Variants in NUP153 observed in about 807,000 individuals in gnomAD.
The protein encoded by NUP153 is nucleoporin 153.
NUP153 carries 27 observed loss-of-function variants against 134.6 expected under a neutral mutation model. The ratio of observed to expected loss-of-function variants is 0.20; its 90% confidence interval spans 0.15 to 0.28. NUP153 has a LOEUF of 0.28. NUP153 is among the 10% of genes least tolerant of loss of function. The pLI is 1.00. For missense variants in NUP153, 1,821 were observed against 1,731.3 expected, an observed-to-expected ratio of 1.05 and a Z score of -0.92; for synonymous variants, 640 against 623.5, an observed-to-expected ratio of 1.03 and a Z score of -0.40.
At chr6:17,659,471 TTTTTG>T (rs1051692678) in intron 11 of NUP153, among the ~76,000 whole-genome samples, 15 of 152,094 alleles carry the variant, frequency 9.9e-5, no homozygotes, top group African/African-American at 2.6e-4. Context: ...ATTTCTTTTG[TTTTTG>T]TTTTGTTTTG....
chr6:17,626,164 T>C lies in NUP153; in HGVS notation c.3545A>G (p.Asp1182Gly), dbSNP rs1321087790. 8.1e-6 allele frequency: 13 copies of C among 1,604,648 alleles called. No homozygotes were observed. In the East Asian group the frequency reaches 2.5e-4, roughly 30 times the overall value. ...AAAAACTGGCTTTGCTGCACCTTGATCTGTAAGACAGAAATTAAGAAACAA... is the reference window on the plus strand; with the variant it reads ...AAAAACTGGCTTTGCTGCACCTTGACCTGTAAGACAGAAATTAAGAAACAA... ...AFGAQTSTTA[D>G]QGAAKPVFSF... The change falls in exon 19 of 22, where the codon GAT (aspartate) becomes GGT (glycine). Residue 1182 changes from aspartate to glycine, a missense_variant and splice_region_variant. Asp to Gly is a moderately conservative substitution (Grantham distance 94). Transcript: ENST00000262077.
At chr6:17,674,335 A>T (rs930092726) in intron 5 of NUP153, among the ~76,000 whole-genome samples, 3 of 152,094 alleles carry the variant, frequency 2.0e-5, no homozygotes, top group Non-Finnish European at 2.9e-5. Flanking sequence ...TACGTCATTT[A>T]AAAAAAAGAA....
intron 1 of NUP153, among the ~76,000 whole-genome samples, chr6:17,701,116 T>G (rs1002964287): frequency 5.3e-5 from 8 of 151,708 alleles, no homozygotes; most frequent in African/African-American, 1.9e-4. Flanking sequence ...TTCCAGCTAC[T>G]TGGGAGGCTG....
rs1005086090 is a variant in NUP153, at chr6:17,628,459, C to G, written c.3544+196G>C. Among the ~76,000 whole-genome samples the G allele has an allele frequency of 1.3e-5, 2 of 152,100 alleles. No individual in the cohort carries two copies. Among genetic ancestry groups the G allele is most frequent in the African/African-American group, 4.8e-5 (2 of 41,434 alleles). ...TTCTCAAAATTAGATCCACAGATGA[C>G]TTCACCAGAATCATGAGGGTTTTAA... On this transcript the variant is annotated intron_variant, in intron 18 of 21. Coordinates refer to ENST00000262077, the MANE Select transcript of NUP153 (RefSeq NM_005124.4). This position sits in a 1 kb window ranked among gnomAD's most constrained non-coding sequence, Gnocchi z 5.4.
At chr6:17,682,715 G>A (rs952047227) in intron 2 of NUP153, among the ~76,000 whole-genome samples, 8 of 152,008 alleles carry the variant, frequency 5.3e-5, no homozygotes, top group South Asian at 4.2e-4. Context: ...TCAGGAGCTC[G>A]AGACCATCCT....
At chr6:17,663,944 A>T (rs1447888494) in intron 9 of NUP153, among the ~76,000 whole-genome samples, 1 of 152,120 alleles carries the variant, frequency 6.6e-6, no homozygotes, top group Non-Finnish European at 1.5e-5. Flanking sequence ...ACACACAAAC[A>T]CACAAAAAAA....
rs1430807639 is a variant in NUP153 at position 17,680,068 on chromosome 6, A to C, written c.335-4298T>G. On this transcript the variant is annotated intron_variant, in intron 2 of 21. Coordinates refer to ENST00000262077, the MANE Select transcript of NUP153 (RefSeq NM_005124.4). The surrounding 1 kb of genome is among the most constrained non-coding windows in gnomAD (Gnocchi z 4.5). ...CAATTCCTGCGCTTTGCCTAATAAA[A>C]AAAATTCCTACTGGCTTTTTCCGGG... 1.3e-5 allele frequency among the ~76,000 whole-genome samples: 2 copies of C among 152,164 alleles called. No individual in the cohort carries two copies. Among genetic ancestry groups the C allele is most frequent in the African/African-American group, 4.8e-5 (2 of 41,438 alleles).
At chr6:17,660,165 A>G (rs75896782) in intron 11 of NUP153, among the ~76,000 whole-genome samples, 6,221 of 152,282 alleles carry the variant, frequency 0.041, 395 homozygotes, top group East Asian at 0.29. Context: ...AGAGCAAAAT[A>G]CCAATAGGCA....
At chr6:17,636,478 A>G (rs952668321) in intron 16 of NUP153, among the ~76,000 whole-genome samples, 1 of 152,230 alleles carries the variant, frequency 6.6e-6, no homozygotes, top group Non-Finnish European at 1.5e-5. Context: ...ACAAAACTGC[A>G]TATTCATGAA....
At position 17,624,399 on chromosome 6, in the gene NUP153, G is replaced by T. The variant is rs145739236; in HGVS notation, c.4174+162C>A. Among the ~76,000 whole-genome samples the T allele has an allele frequency of 3.5e-4, 54 of 152,212 alleles. No homozygotes were observed. In the East Asian group the frequency reaches 9.1e-3, roughly 26 times the overall value. ...AAAGTTACAAGTCTGTGAAACCTGC[G>T]AATGTTGTTTATATATAAATCCAAC... On this transcript the variant is annotated intron_variant, in intron 20 of 21. Transcript: ENST00000262077.
chr6:17,630,810 GAGAGA>G (rs1158010391), intron 17 of NUP153, among the ~76,000 whole-genome samples: 3 of 145,816 alleles, frequency 2.1e-5, no homozygotes, highest in Non-Finnish European at 2.9e-5. Context: ...GAAGAGAGAG[GAGAGA>G]AGAGAAAAGA....
intron 17 of NUP153, among the ~76,000 whole-genome samples, chr6:17,632,429 C>T (rs2113777405): frequency 6.6e-6 from 1 of 152,056 alleles, no homozygotes; most frequent in Admixed American, 6.5e-5. Flanking sequence ...AATTTTTTTT[C>T]CCACCTGGAG....
chr6:17,701,044 G>T (rs918370040), intron 1 of NUP153, among the ~76,000 whole-genome samples: 2 of 152,054 alleles, frequency 1.3e-5, no homozygotes, highest in Admixed American at 1.3e-4. Context: ...TGATCAACAT[G>T]GAGAAACCCC....
intron 1 of NUP153, among the ~76,000 whole-genome samples, chr6:17,693,893 C>A (rs546252403): frequency 1.2e-4 from 19 of 152,168 alleles, no homozygotes; most frequent in Non-Finnish European, 2.5e-4. Context: ...GCACCACCAC[C>A]GCGCCTGGCC....
chr6:17,703,340 G>A (rs956640144), intron 1 of NUP153, among the ~76,000 whole-genome samples: 2 of 152,112 alleles, frequency 1.3e-5, no homozygotes, highest in Admixed American at 6.6e-5. Context: ...ATAGGTACTG[G>A]GTGACTGTAC....
At chr6:17,633,355 C>A (rs1178824149) in intron 16 of NUP153, among the ~76,000 whole-genome samples, 2 of 152,240 alleles carry the variant, frequency 1.3e-5, no homozygotes, top group Non-Finnish European at 2.9e-5. Flanking sequence ...AGCTTTTGCA[C>A]AGAAGTGCAT....
At chr6:17,676,703 A>G (rs1278010085) in intron 2 of NUP153, among the ~76,000 whole-genome samples, 1 of 152,196 alleles carries the variant, frequency 6.6e-6, no homozygotes, top group Non-Finnish European at 1.5e-5. Flanking sequence ...AAAAAAACTC[A>G]CAAGGTGAGC....
Position 17,647,813 on chromosome 6 carries a change from T to C in NUP153, c.1626A>G (p.Pro542=). ...TTCCTTGCTTGTTACTTACAGATGA[T>C]GGAGGTAGTACATTTGCCTCAGTAG... ...VKSTEANVLP[P]SSIGFTFSVP... The change falls in exon 13 of 22, where the codon CCA becomes CCG. Residue 542 remains proline (P), a synonymous_variant. Coordinates refer to ENST00000262077, the MANE Select transcript of NUP153 (RefSeq NM_005124.4). 1.3e-6 allele frequency: 2 copies of C among 1,569,806 alleles called. No individual in the cohort carries two copies. Among genetic ancestry groups the C allele is most frequent in the Non-Finnish European group, 1.8e-6 (2 of 1,139,870 alleles).
Position 17,689,294 on chromosome 6 carries a change from G to A in NUP153, c.112-676C>T, listed in dbSNP as rs541586377. Among the ~76,000 whole-genome samples, 37 of 152,122 alleles carry A rather than the reference G, an allele frequency of 2.4e-4. No homozygotes were observed. In the South Asian group the frequency reaches 5.0e-3, roughly 20 times the overall value. ...CCCAGCTACTCAGGAGGCTGAGGCAGGAGAATCACTTATATCCAGGAGACA... is the reference window on the plus strand; with the variant it reads ...CCCAGCTACTCAGGAGGCTGAGGCAAGAGAATCACTTATATCCAGGAGACA... On this transcript the variant is annotated intron_variant, in intron 1 of 21. Coordinates refer to ENST00000262077, the MANE Select transcript of NUP153 (RefSeq NM_005124.4).
Sources: gnomAD v4.1 joint callset for allele counts (sites outside exome capture counted in the v4.1 genomes callset) on GRCh38, gnomAD v4.1.1 for gene constraint, Gnocchi (gnomAD v3.1) non-coding constraint, MANE v1.5 for transcripts, NCBI Gene and HGNC (gene_info 2026-07-23, HGNC 2026-07-21) for gene names.